The following PDE10A variants were observed in gnomAD, a reference collection of about 807,000 sequenced individuals.
PDE10A encodes cAMP and cAMP-inhibited cGMP 3',5'-cyclic phosphodiesterase 10A.
PDE10A carries 39 observed loss-of-function variants against 97.7 expected under a neutral mutation model. The ratio of observed to expected loss-of-function variants is 0.40; its 90% CI spans 0.31 to 0.52. The LOEUF (loss-of-function observed/expected upper bound fraction) is 0.52, where lower values mean the gene tolerates loss of function less well. PDE10A is among the 20% of genes least tolerant of loss of function. The pLI, the probability that PDE10A is intolerant of heterozygous loss-of-function variation, is 0.56. For missense variants in PDE10A, 731 were observed against 1,047.8 expected, an observed-to-expected ratio of 0.70 and a Z score of 4.17; for synonymous variants, 371 against 376.8, an observed-to-expected ratio of 0.98 and a Z score of 0.18.
chr6:165,399,671 T>C (rs1786477958), intron 13 of PDE10A, among the ~76,000 whole-genome samples: 2 of 151,006 alleles, frequency 1.3e-5, no homozygotes, highest in Admixed American at 6.6e-5. Flanking sequence ...TGAGAACATG[T>C]GGTGTTTGGT....
chr6:165,774,831 C>CTTTTTTTTTTTTT (rs5881660), intron 1 of PDE10A: 1 of 107,882 alleles, frequency 9.3e-6, no homozygotes, highest in Non-Finnish European at 1.9e-5. Context: ...ACTTTTTTTT[C>CTTTTTTTTTTTTT]TTTTTTTTTT....
chr6:165,958,490 G>C lies in PDE10A; in HGVS notation c.-615+29039C>G, dbSNP rs190186186. Among the ~76,000 whole-genome samples, 65 of 114,832 alleles carry C rather than the reference G, an allele frequency of 5.7e-4. 2 individuals are homozygous for C. The highest frequency in any genetic ancestry group is 9.5e-4 in the Non-Finnish European group (52 of 54,562). The allele number at this position is 114,832 out of a possible 152,430, so 75.3% of individuals were successfully genotyped here. A position where few individuals can be genotyped will look rare whatever the true frequency, so the allele number is the denominator to read the frequency against. On this transcript the variant is annotated intron_variant, in intron 1 of 19. Transcript: ENST00000366882. ...AAAGAAAGAAAGAAAGAGAGAAAGA[G>C]AGAAAGACAAGAAAGAAAGAAAGAA...
At chr6:165,642,165 G>A (rs2983519) in intron 1 of PDE10A, among the ~76,000 whole-genome samples, 100,497 of 152,092 alleles carry the variant, frequency 0.66, 34,116 homozygotes, top group Middle Eastern at 0.8. Context: ...CTGCCCCTCC[G>A]CCAGAAACAC....
chr6:165,650,491 A>AATAT (rs1789626115), intron 1 of PDE10A, among the ~76,000 whole-genome samples: 1 of 151,586 alleles, frequency 6.6e-6, no homozygotes, highest in South Asian at 2.1e-4. Context: ...CTAACATAAA[A>AATAT]ATGTATCTGA....
rs778570347 is a variant in PDE10A at position 165,396,415 on chromosome 6, C to T, written c.2121G>A (p.Thr707=). 30 of 1,612,818 alleles carry T rather than the reference C, an allele frequency of 1.9e-5. No individual in the cohort carries two copies. In the South Asian group the frequency reaches 2.1e-4, roughly 11 times the overall value. ...TGCTATGGTAGGACAGCTTTTCCAT[C>T]GTTACCCGGTAAATGCACTCTGAGT... ...IRHSECIYRV[T]MEKLSYHSIC... The change falls in exon 14 of 22, where the codon ACG becomes ACA. Residue 707 remains threonine (T), a synonymous_variant. Coordinates refer to ENST00000539869, the MANE Select transcript of PDE10A (RefSeq NM_001385079.1).
chr6:165,645,853 C>CAAAAAAAAAAAAA (rs57923490), intron 1 of PDE10A, among the ~76,000 whole-genome samples: 22 of 101,226 alleles, frequency 2.2e-4, no homozygotes, highest in African/African-American at 6.3e-4. Flanking sequence ...GACTCCATCT[C>CAAAAAAAAAAAAA]AAAAAAAAAA....
intron 1 of PDE10A, among the ~76,000 whole-genome samples, chr6:165,872,508 G>A (rs921045926): frequency 3.3e-5 from 5 of 152,114 alleles, no homozygotes; most frequent in Admixed American, 6.5e-5. Context: ...AGTGTGGGGG[G>A]AATTGTCCCT....
chr6:165,721,996 A>G (rs1256257559), intron 1 of PDE10A, among the ~76,000 whole-genome samples: 1 of 152,214 alleles, frequency 6.6e-6, no homozygotes, highest in African/African-American at 2.4e-5. Context: ...TTCAAAAGCT[A>G]AGGATTCCAA....
Position 165,691,193 on chromosome 6 carries a change from CT to C in PDE10A, c.-614-147626del, listed in dbSNP as rs1562687242. ...TCTTTCTCTCTCTCTCTCTCCCTCTCTCTCTCTCCCCACACACACACACACA... is the reference window on the plus strand; with the variant it reads ...TCTTTCTCTCTCTCTCTCTCCCTCTCCTCTCTCCCCACACACACACACACA... On this transcript the variant is annotated intron_variant, in intron 1 of 19. Transcript: ENST00000366882. Among the ~76,000 whole-genome samples the C allele has an allele frequency of 4.5e-3, 294 of 65,410 alleles. 8 individuals carry two copies. The highest frequency in any genetic ancestry group is 0.012 in the African/African-American group (174 of 14,406). 42.9% of individuals were successfully genotyped at this position (65,410 alleles called of 152,430 possible).
chr6:165,688,185 A>C (rs893749699), intron 1 of PDE10A, among the ~76,000 whole-genome samples: 3 of 152,132 alleles, frequency 2.0e-5, no homozygotes, highest in Admixed American at 2.0e-4. Context: ...TCCTATAATG[A>C]TACAGTTTAA....
At chr6:165,775,878 T>G (rs1429732035) in intron 1 of PDE10A, 3 of 152,242 alleles carry the variant, frequency 2.0e-5, no homozygotes, top group Non-Finnish European at 4.4e-5. Context: ...AACTTATACT[T>G]AAATTTCAGT....
intron 13 of PDE10A, among the ~76,000 whole-genome samples, chr6:165,406,355 A>G (rs1787167404): frequency 6.6e-6 from 1 of 151,756 alleles, no homozygotes; most frequent in South Asian, 2.1e-4. Context: ...TGTATTTTTG[A>G]TATTTCTTAG....
chr6:165,894,308 T>C (rs1473286340), intron 1 of PDE10A: 19 of 456,036 alleles, frequency 4.2e-5, no homozygotes, highest in Admixed American at 1.9e-4. Flanking sequence ...AATCTGCAGA[T>C]GACAAATTTA....
chr6:165,650,661 T>C (rs75224034), intron 1 of PDE10A, among the ~76,000 whole-genome samples: 3,443 of 152,312 alleles, frequency 0.023, 56 homozygotes, highest in Middle Eastern at 0.041. Context: ...CAAACAATAC[T>C]ACGCCATATT....
At chr6:165,417,062 C>T (rs986472064) in intron 11 of PDE10A, among the ~76,000 whole-genome samples, 1 of 152,030 alleles carries the variant, frequency 6.6e-6, no homozygotes, top group Admixed American at 6.6e-5. Flanking sequence ...TTACATAGTT[C>T]AAAAATAATT....
At chr6:165,369,780 A>C (rs1026567717) in intron 18 of PDE10A, among the ~76,000 whole-genome samples, 3 of 147,960 alleles carry the variant, frequency 2.0e-5, no homozygotes, top group South Asian at 2.2e-4. Context: ...TAATTGTCAG[A>C]TTCACCAAAG....
intron 2 of PDE10A, among the ~76,000 whole-genome samples, chr6:165,509,535 C>T (rs1198186205): frequency 6.6e-6 from 1 of 151,466 alleles, no homozygotes; most frequent in East Asian, 1.9e-4. Flanking sequence ...GGTGTTGTTC[C>T]TTTTGCTCGG....
chr6:165,376,727 C>T (rs1784626395), intron 18 of PDE10A, among the ~76,000 whole-genome samples: 1 of 152,082 alleles, frequency 6.6e-6, no homozygotes, highest in Non-Finnish European at 1.5e-5. Flanking sequence ...CCAGCCTGGG[C>T]AACACAGCAA....
intron 3 of PDE10A, among the ~76,000 whole-genome samples, chr6:165,459,586 T>G (rs1002209344): frequency 1.3e-5 from 2 of 151,502 alleles, no homozygotes; most frequent in South Asian, 2.1e-4. Context: ...TAGATATATA[T>G]ATATATATAA....
Sources: allele counts gnomAD v4.1 joint callset (sites outside exome capture counted in the v4.1 genomes callset), GRCh38; gene constraint gnomAD v4.1.1; transcripts MANE v1.5; gene names NCBI Gene and HGNC (gene_info 2026-07-23, HGNC 2026-07-21).